NLGN4X: variants seen among roughly 807,000 people sequenced by gnomAD.
NLGN4X encodes the protein neuroligin-4, X-linked.
In NLGN4X, 3 loss-of-function variants were observed where a neutral mutation model predicts 40.3. That is an observed-to-expected ratio of 0.07 (90% CI 0.03 to 0.19). The LOEUF (loss-of-function observed/expected upper bound fraction) is 0.19. Ranked by LOEUF, NLGN4X falls within the 10% of genes least tolerant of loss-of-function variation. NLGN4X has a pLI of 1.00. For missense variants in NLGN4X, 382 were observed against 708.3 expected (o/e 0.54, Z 5.23); for synonymous variants, 270 against 306.8 (o/e 0.88, Z 1.25).
intron 3 of NLGN4X, among the ~76,000 whole-genome samples, chrX:5,924,182 T>C (rs1195482175): frequency 1.8e-5 from 2 of 111,678 alleles, no homozygotes; most frequent in Non-Finnish European, 3.8e-5. Context: ...AGCGAAGATG[T>C]ATCTGGGTCC....
At chrX:6,196,358 T>C (rs185358066) in intron 1 of NLGN4X, among the ~76,000 whole-genome samples, 1,582 of 110,225 alleles carry the variant, frequency 0.014, 38 homozygotes, top group African/African-American at 0.049. Context: ...AAGACCGTCC[T>C]GGCTAACACG....
chrX:5,997,597 T>A (rs79174494), intron 3 of NLGN4X, among the ~76,000 whole-genome samples: 1 of 46,074 alleles, frequency 2.2e-5, no homozygotes, highest in Admixed American at 2.6e-4. Context: ...TATATATATA[T>A]ACACATATAT....
At chrX:6,145,056 T>C (rs1199630868) in intron 2 of NLGN4X, among the ~76,000 whole-genome samples, 1 of 111,507 alleles carries the variant, frequency 9.0e-6, no homozygotes, top group Middle Eastern at 4.2e-3. Context: ...ATATAATCGA[T>C]GCTCAAAAAT....
intron 3 of NLGN4X, among the ~76,000 whole-genome samples, chrX:5,945,885 T>C (rs1218147288): frequency 1.8e-5 from 2 of 111,322 alleles, no homozygotes; most frequent in Non-Finnish European, 3.8e-5. Flanking sequence ...AGGAAGCCAC[T>C]TGCATGATAT....
intron 3 of NLGN4X, among the ~76,000 whole-genome samples, chrX:5,985,526 T>C (rs752950659): frequency 9.0e-6 from 1 of 111,616 alleles, no homozygotes; most frequent in East Asian, 2.8e-4. Flanking sequence ...GATTCTAAAG[T>C]GATCCTCCTG....
intron 2 of NLGN4X, among the ~76,000 whole-genome samples, chrX:6,056,987 C>A (rs187019239): frequency 1.4e-4 from 16 of 111,631 alleles, no homozygotes; most frequent in Admixed American, 3.8e-4. Context: ...GGCGATGCTA[C>A]GAAAATTTTT....
rs559283038 is a variant in NLGN4X at position 5,986,510 on chromosome X, T to C, written c.625+42770A>G. On this transcript the variant is annotated intron_variant, in intron 3 of 5. Transcript: ENST00000381095. The stretch of plus-strand genomic sequence containing the variant: ...CTTCATATCTCTTGGTAGGAAAAGA[T>C]ATCCTAAACAAAAATTCCAAAGCAC... Among the ~76,000 whole-genome samples the C allele has an allele frequency of 6.2e-5, 7 of 112,222 alleles. No homozygotes were observed. In the South Asian group the frequency reaches 2.2e-3, roughly 35 times the overall value.
At chrX:5,966,878 T>C (rs1460653028) in intron 3 of NLGN4X, among the ~76,000 whole-genome samples, 2 of 112,262 alleles carry the variant, frequency 1.8e-5, no homozygotes, top group Non-Finnish European at 3.8e-5. Context: ...ACTTGATTAC[T>C]TAAAACTTGG....
At chrX:6,013,889 AG>A (rs1411371705) in intron 3 of NLGN4X, among the ~76,000 whole-genome samples, 4 of 110,792 alleles carry the variant, frequency 3.6e-5, no homozygotes, top group Non-Finnish European at 7.5e-5. Context: ...AATTTTAAAA[AG>A]TGAACATCCT....
intron 3 of NLGN4X, among the ~76,000 whole-genome samples, chrX:6,018,670 G>T (rs1438353711): frequency 9.0e-6 from 1 of 111,700 alleles, no homozygotes; most frequent in Non-Finnish European, 1.9e-5. Flanking sequence ...GCCTGTTTAT[G>T]ATTTACAATG....
intron 2 of NLGN4X, among the ~76,000 whole-genome samples, chrX:6,119,844 AT>A (rs1346986857): frequency 6.3e-5 from 7 of 111,613 alleles, no homozygotes; most frequent in African/African-American, 2.3e-4. Flanking sequence ...TGATCTTTGT[AT>A]TATGGAATTA....
chrX:5,938,966 C>CGTGTGTGTGT (rs60927853), intron 3 of NLGN4X, among the ~76,000 whole-genome samples: 285 of 101,963 alleles, frequency 2.8e-3, no homozygotes, highest in African/African-American at 9.3e-3. Context: ...TGTGTGTGTG[C>CGTGTGTGTGT]GTGTGTGTGT....
At chrX:6,007,735 T>G (rs1190439652) in intron 3 of NLGN4X, among the ~76,000 whole-genome samples, 1 of 111,564 alleles carries the variant, frequency 9.0e-6, no homozygotes, top group Non-Finnish European at 1.9e-5. Context: ...ACATATAAAA[T>G]TTTCTCCTTT....
At chrX:6,180,327 C>T (rs967292460) in intron 1 of NLGN4X, among the ~76,000 whole-genome samples, 4 of 111,061 alleles carry the variant, frequency 3.6e-5, no homozygotes, top group Non-Finnish European at 5.7e-5. Flanking sequence ...GGTTTAGCAT[C>T]GGCCCCCTTG....
At chrX:6,180,860 A>G (rs2147801795) in intron 1 of NLGN4X, among the ~76,000 whole-genome samples, 1 of 110,471 alleles carries the variant, frequency 9.1e-6, no homozygotes, top group Non-Finnish European at 1.9e-5. Context: ...TCAAAGCATT[A>G]CCCTTTAATG....
chrX:6,095,209 ACT>A (rs1197272533), intron 2 of NLGN4X, among the ~76,000 whole-genome samples: 4 of 107,617 alleles, frequency 3.7e-5, no homozygotes, highest in Non-Finnish European at 7.7e-5. Flanking sequence ...CTTTGGGTAG[ACT>A]CTACTCAGAT....
intron 3 of NLGN4X, among the ~76,000 whole-genome samples, chrX:5,952,913 A>G (rs1036305737): frequency 8.9e-6 from 1 of 112,150 alleles, no homozygotes; most frequent in Non-Finnish European, 1.9e-5. Context: ...GCATCAATGT[A>G]ACTTTCTCTG....
At chrX:6,156,715 G>T (rs1477033463) in intron 1 of NLGN4X, among the ~76,000 whole-genome samples, 2 of 110,234 alleles carry the variant, frequency 1.8e-5, no homozygotes, top group Admixed American at 1.9e-4. Flanking sequence ...ACAGCAGGGA[G>T]AGGGAGGGGG....
chrX:5,904,252 G>GA (rs1417312164), intron 4 of NLGN4X, among the ~76,000 whole-genome samples: 5 of 110,131 alleles, frequency 4.5e-5, no homozygotes, highest in African/African-American at 9.9e-5. Context: ...CCATTTCCAA[G>GA]AAAAAAAATG....
Sources: allele counts gnomAD v4.1 joint callset (sites outside exome capture counted in the v4.1 genomes callset), GRCh38; gene constraint gnomAD v4.1.1; transcripts MANE v1.5; gene names NCBI Gene and HGNC (gene_info 2026-07-23, HGNC 2026-07-21).